The following LEP variants were observed in gnomAD, a reference collection of about 807,000 sequenced individuals.
LEP encodes the protein leptin (murine obesity homolog).
Under a neutral mutation model 9.8 loss-of-function variants are expected in LEP, and 6 were observed. That is an observed-to-expected ratio of 0.61 (90% CI 0.34 to 1.21). LEP has a LOEUF of 1.21. LEP is among the 50% of genes most tolerant of loss of function. The pLI is 0.04. For missense variants in LEP, 134 were observed against 198.1 expected, an observed-to-expected ratio of 0.68 and a Z score of 1.94; for synonymous variants, 112 against 81.7, an observed-to-expected ratio of 1.37 and a Z score of -2.00.
chr7:128,249,361 C>A (rs1462377251), intron 1 of LEP, among the ~76,000 whole-genome samples: 1 of 152,258 alleles, frequency 6.6e-6, no homozygotes, highest in Non-Finnish European at 1.5e-5. Flanking sequence ...CCCTGCCCTG[C>A]AGTTGATAAG....
At chr7:128,245,107 C>T (rs1795196536) in intron 1 of LEP, among the ~76,000 whole-genome samples, 1 of 151,968 alleles carries the variant, frequency 6.6e-6, no homozygotes, top group African/African-American at 2.4e-5. Context: ...CCAGGAGGTC[C>T]CTACTAAACA....
chr7:128,245,402 G>A (rs1795199544), intron 1 of LEP, among the ~76,000 whole-genome samples: 1 of 152,200 alleles, frequency 6.6e-6, no homozygotes. Context: ...AAAATGAGTT[G>A]TTCAAGGTCC....
intron 1 of LEP, among the ~76,000 whole-genome samples, chr7:128,245,565 A>T (rs554912094): frequency 1.3e-5 from 2 of 152,334 alleles, no homozygotes; most frequent in African/African-American, 4.8e-5. Flanking sequence ...GAAGAACAGG[A>T]GGGGATCCCA....
intron 1 of LEP, among the ~76,000 whole-genome samples, chr7:128,246,826 C>A (rs1009751935): frequency 5.3e-5 from 8 of 151,990 alleles, no homozygotes; most frequent in Admixed American, 3.3e-4. Flanking sequence ...TCCAGGGTAC[C>A]CATGGCAAGG....
intron 1 of LEP, among the ~76,000 whole-genome samples, chr7:128,242,934 G>T (rs189498205): frequency 1.8e-4 from 28 of 152,332 alleles, no homozygotes; most frequent in Admixed American, 1.8e-3. Flanking sequence ...TAGAGTCCTT[G>T]TGTCTTGTGC....
At chr7:128,252,204 C>A (rs200487172) in intron 2 of LEP, 42 bp downstream of exon 2, 1 of 1,606,340 alleles carries the variant, frequency 6.2e-7, no homozygotes, top group Admixed American at 1.7e-5. Flanking sequence ...TGCAGCCAGC[C>A]CAGCACTGGC....
chr7:128,248,292 C>A (rs1461470940), intron 1 of LEP, among the ~76,000 whole-genome samples: 3 of 152,156 alleles, frequency 2.0e-5, no homozygotes, highest in African/African-American at 7.2e-5. Context: ...ATTAGCCAGG[C>A]ATGGTGGCAG....
At chr7:128,248,060 A>C (rs998047393) in intron 1 of LEP, among the ~76,000 whole-genome samples, 5 of 152,194 alleles carry the variant, frequency 3.3e-5, no homozygotes, top group Non-Finnish European at 7.3e-5. Context: ...TGGGAGGCCG[A>C]GGTGGGCAGA....
intron 1 of LEP, among the ~76,000 whole-genome samples, chr7:128,245,040 A>ATGTG (rs150818455): frequency 5.9e-5 from 9 of 151,724 alleles, no homozygotes; most frequent in Admixed American, 2.0e-4. Flanking sequence ...AGGGTTGTGT[A>ATGTG]TGTGTGTGTG....
chr7:128,243,492 G>A (rs181836716), intron 1 of LEP, among the ~76,000 whole-genome samples: 88 of 152,276 alleles, frequency 5.8e-4, no homozygotes, highest in African/African-American at 1.6e-3. Context: ...GGCCACGGGC[G>A]GGAGTATCCA....
chr7:128,247,926 G>A (rs1795230332), intron 1 of LEP, among the ~76,000 whole-genome samples: 1 of 152,226 alleles, frequency 6.6e-6, no homozygotes, highest in Non-Finnish European at 1.5e-5. Context: ...GCATTCATCA[G>A]TTTAAGCACC....
intron 1 of LEP, among the ~76,000 whole-genome samples, chr7:128,245,955 G>GGGAGGCTGA (rs931426954): frequency 2.0e-5 from 3 of 151,900 alleles, no homozygotes; most frequent in Non-Finnish European, 4.4e-5. Context: ...CCAGCTACCC[G>GGGAGGCTGA]GGAGGCTGAG....
intron 1 of LEP, among the ~76,000 whole-genome samples, chr7:128,246,790 C>T (rs1410602304): frequency 6.6e-6 from 1 of 152,072 alleles, no homozygotes; most frequent in Non-Finnish European, 1.5e-5. Context: ...TCCAGGGGCT[C>T]CACATTCTAC....
At chr7:128,242,803 G>T (rs1014444063) in intron 1 of LEP, among the ~76,000 whole-genome samples, 3 of 152,194 alleles carry the variant, frequency 2.0e-5, no homozygotes, top group Admixed American at 2.0e-4. Flanking sequence ...TGCCTTGCAC[G>T]TCTGAGTGGC....
At chr7:128,252,206 A>C in intron 2 of LEP, 44 bp downstream of exon 2, 1 of 1,606,382 alleles carries the variant, frequency 6.2e-7, no homozygotes, top group South Asian at 1.1e-5. Flanking sequence ...CAGCCAGCCC[A>C]GCACTGGCTC....
chr7:128,245,056 C>A (rs867189467), intron 1 of LEP, among the ~76,000 whole-genome samples: 1 of 151,662 alleles, frequency 6.6e-6, no homozygotes, highest in Non-Finnish European at 1.5e-5. Flanking sequence ...GTGTGTGTGT[C>A]TGTGTGTGTG....
rs752116983 is a variant in LEP, at chr7:128,254,779, T to A, written c.*16T>A. On this transcript the variant is annotated 3_prime_UTR_variant, in exon 3 of 3. Transcript: ENST00000308868. ...TGGGTGCTGAGGCCTTGAAGGTCACTCTTCCTGCAAGGACTACGTTAAGGG... is the reference window on the plus strand; with the variant it reads ...TGGGTGCTGAGGCCTTGAAGGTCACACTTCCTGCAAGGACTACGTTAAGGG... 6.2e-7 allele frequency: 1 copy of A among 1,604,472 alleles called. No individual in the cohort carries two copies. The highest frequency in any genetic ancestry group is 2.2e-5 in the East Asian group (1 of 44,846).
intron 1 of LEP, among the ~76,000 whole-genome samples, chr7:128,242,542 AAGAG>A (rs1006696373): frequency 6.6e-6 from 1 of 152,198 alleles, no homozygotes; most frequent in African/African-American, 2.4e-5. Context: ...GAGACAAGGC[AAGAG>A]AGAAACAGTG....
In LEP at chr7:128,254,502, C is replaced by G. The variant is rs930810435; in HGVS notation, c.243C>G (p.Val81=). The part of the protein sequence containing the change: ...TLSKMDQTLA[V]YQQILTSMPS... ...CCAAGATGGACCAGACACTGGCAGT[C>G]TACCAACAGATCCTCACCAGTATGC... Residue 81 remains valine (V), a synonymous_variant, in exon 3 of 3, where the codon GTC becomes GTG. Transcript: ENST00000308868. The G allele has an allele frequency of 1.2e-6, 2 of 1,614,098 alleles. No homozygotes were observed. The highest frequency in any genetic ancestry group is 1.7e-6 in the Non-Finnish European group (2 of 1,180,048).
Sources: gnomAD v4.1 joint callset for allele counts (sites outside exome capture counted in the v4.1 genomes callset) on GRCh38, gnomAD v4.1.1 for gene constraint, MANE v1.5 for transcripts, NCBI Gene and HGNC (gene_info 2026-07-23, HGNC 2026-07-21) for gene names.